NPSR1: variants seen among roughly 807,000 people sequenced by gnomAD.
NPSR1 encodes the protein neuropeptide S receptor 1.
NPSR1 carries 48 observed loss-of-function variants against 46.9 expected under a neutral mutation model. That is an observed-to-expected ratio of 1.02 (90% CI 0.81 to 1.30). NPSR1 has a LOEUF of 1.30. Ranked by LOEUF, NPSR1 falls within the 50% of genes most tolerant of loss-of-function variation. The pLI is 0.00. For missense variants in NPSR1, 450 were observed against 449.5 expected, an observed-to-expected ratio of 1.00 and a Z score of -0.01; for synonymous variants, 176 against 168.1, an observed-to-expected ratio of 1.05 and a Z score of -0.36.
At chr7:34,701,864 G>A (rs961970608) in intron 2 of NPSR1, among the ~76,000 whole-genome samples, 4 of 152,164 alleles carry the variant, frequency 2.6e-5, no homozygotes, top group African/African-American at 4.8e-5. Flanking sequence ...TTAAAGACCA[G>A]TAGTCTTGAG....
Position 34,658,390 on chromosome 7 carries a change from T to G in NPSR1, c.-23T>G, listed in dbSNP as rs776948373. The stretch of plus-strand genomic sequence containing the variant: ...CACTCAGCTGCAGGAGCAAGGACAG[T>G]GAGGCTCAACCCCGCCTGAGCCATG... On this transcript the variant is annotated 5_prime_UTR_variant, in exon 1 of 9. Transcript: ENST00000360581. 8.7e-6 allele frequency: 14 copies of G among 1,612,320 alleles called. No individual in the cohort carries two copies. Among genetic ancestry groups the G allele is most frequent in the Non-Finnish European group, 9.3e-6 (11 of 1,179,640 alleles).
chr7:34,856,477 A>G (rs1202431918), intron 8 of NPSR1, among the ~76,000 whole-genome samples: 1 of 151,806 alleles, frequency 6.6e-6, no homozygotes, highest in Non-Finnish European at 1.5e-5. Context: ...TATTACTCCT[A>G]TGCACACGGG....
intron 3 of NPSR1, 55 bp from the exon 4 acceptor site, chr7:34,811,715 T>G (rs1190252406): frequency 1.6e-6 from 2 of 1,234,148 alleles, no homozygotes; most frequent in East Asian, 2.4e-5. Flanking sequence ...CTTTCCATTA[T>G]GTGCCTTCCC....
intron 3 of NPSR1, among the ~76,000 whole-genome samples, chr7:34,794,347 G>A (rs897743362): frequency 2.0e-5 from 3 of 151,982 alleles, no homozygotes; most frequent in South Asian, 2.1e-4. Flanking sequence ...AAATATGTAC[G>A]ATTATTCTGG....
intron 1 of NPSR1, among the ~76,000 whole-genome samples, chr7:34,664,615 T>A (rs1372882382): frequency 2.8e-4 from 38 of 134,120 alleles, no homozygotes; most frequent in East Asian, 1.2e-3. Flanking sequence ...TTTCTTTTTT[T>A]TAAAAAAAAA....
chr7:34,855,643 A>G (rs1157366566), intron 8 of NPSR1, among the ~76,000 whole-genome samples: 1 of 152,146 alleles, frequency 6.6e-6, no homozygotes, highest in African/African-American at 2.4e-5. Flanking sequence ...AGTAAAATAG[A>G]AAAAGTGTGA....
At chr7:34,669,265 G>A (rs1288980484) in intron 1 of NPSR1, among the ~76,000 whole-genome samples, 1 of 152,146 alleles carries the variant, frequency 6.6e-6, no homozygotes, top group Non-Finnish European at 1.5e-5. Context: ...TCTCTGAGAA[G>A]TCTTACAGTA....
At chr7:34,807,438 C>T (rs924839452) in intron 3 of NPSR1, among the ~76,000 whole-genome samples, 1 of 152,038 alleles carries the variant, frequency 6.6e-6, no homozygotes, top group Non-Finnish European at 1.5e-5. Flanking sequence ...TTACATATAA[C>T]TTTGTGAATA....
intron 8 of NPSR1, among the ~76,000 whole-genome samples, chr7:34,868,465 G>A (rs570966305): frequency 0.022 from 3,377 of 151,712 alleles, 221 homozygotes; most frequent in African/African-American, 0.078. Context: ...AAGCCCCAAA[G>A]TCAAGGAAAG....
intron 4 of NPSR1, among the ~76,000 whole-genome samples, chr7:34,827,003 G>A (rs740723): frequency 6.6e-6 from 1 of 152,178 alleles, no homozygotes; most frequent in African/African-American, 2.4e-5. Flanking sequence ...ACCAAAGGCT[G>A]TAGCCCTGCC....
intron 3 of NPSR1, among the ~76,000 whole-genome samples, chr7:34,799,348 T>A (rs906333764): frequency 2.6e-5 from 4 of 152,110 alleles, no homozygotes; most frequent in African/African-American, 9.7e-5. Context: ...AAAAGCTGTT[T>A]CTTTAAAAAG....
intron 3 of NPSR1, among the ~76,000 whole-genome samples, chr7:34,797,704 T>C (rs1338700801): frequency 2.6e-5 from 4 of 151,896 alleles, no homozygotes; most frequent in African/African-American, 9.7e-5. Flanking sequence ...AAAATAAATG[T>C]CAGAAAAAAT....
At chr7:34,791,079 T>TTATATAATATAATA (rs1473830777) in intron 3 of NPSR1, among the ~76,000 whole-genome samples, 9 of 115,430 alleles carry the variant, frequency 7.8e-5, no homozygotes, top group African/African-American at 3.3e-4. Flanking sequence ...ATTATATATG[T>TTATATAATATAATA]TATATGTTAT....
At chr7:34,751,635 G>A in intron 2 of NPSR1, 5 of 1,599,836 alleles carry the variant, frequency 3.1e-6, no homozygotes, top group Non-Finnish European at 4.3e-6. Context: ...CCTGCTCCAA[G>A]TGGACCAGCT....
At chr7:34,666,265 G>C (rs1487479244) in intron 1 of NPSR1, among the ~76,000 whole-genome samples, 3 of 147,704 alleles carry the variant, frequency 2.0e-5, no homozygotes, top group African/African-American at 7.4e-5. Context: ...CTGGAAAAGG[G>C]AAAGGAAAAG....
intron 2 of NPSR1, among the ~76,000 whole-genome samples, chr7:34,741,847 C>T (rs1177534742): frequency 6.6e-6 from 1 of 152,182 alleles, no homozygotes; most frequent in Non-Finnish European, 1.5e-5. Flanking sequence ...ACCCTCTTAC[C>T]ACAATGCAGC....
intron 2 of NPSR1, among the ~76,000 whole-genome samples, chr7:34,756,796 G>A (rs1395869543): frequency 6.6e-6 from 1 of 152,102 alleles, no homozygotes; most frequent in Non-Finnish European, 1.5e-5. Context: ...TGTGGCTTTC[G>A]ACATATTACT....
At chr7:34,670,465 G>C (rs905624745) in intron 1 of NPSR1, among the ~76,000 whole-genome samples, 2 of 151,744 alleles carry the variant, frequency 1.3e-5, no homozygotes, top group African/African-American at 4.8e-5. Context: ...TTACAAAATA[G>C]CTAGAAAAAT....
chr7:34,767,729 A>G (rs1562713265), intron 2 of NPSR1, among the ~76,000 whole-genome samples: 1 of 152,158 alleles, frequency 6.6e-6, no homozygotes, highest in Non-Finnish European at 1.5e-5. Flanking sequence ...ATTCTCCAAA[A>G]ATAATGAAAG....
Sources: gnomAD v4.1 joint callset for allele counts (sites outside exome capture counted in the v4.1 genomes callset) on GRCh38, gnomAD v4.1.1 for gene constraint, MANE v1.5 for transcripts, NCBI Gene and HGNC (gene_info 2026-07-23, HGNC 2026-07-21) for gene names.